BANK1: variants seen among roughly 807,000 people sequenced by gnomAD.
BANK1 encodes the protein B cell scaffold protein with ankyrin repeats 1, also known as B-cell scaffold protein with ankyrin repeats.
Under a neutral mutation model 94.5 loss-of-function variants are expected in BANK1, and 95 were observed. That is an observed-to-expected ratio of 1.00 (90% CI 0.85 to 1.19). The LOEUF (loss-of-function observed/expected upper bound fraction) is 1.19. BANK1 is among the 50% of genes most tolerant of loss of function. BANK1 has a pLI of 0.00. For missense variants in BANK1, 987 were observed against 932.2 expected (o/e 1.06, Z -0.77); for synonymous variants, 334 against 308.4 (o/e 1.08, Z -0.87).
intron 2 of BANK1, among the ~76,000 whole-genome samples, chr4:101,833,432 C>T (rs182966499): frequency 1.3e-5 from 2 of 152,294 alleles, no homozygotes; most frequent in East Asian, 3.9e-4. Context: ...CAGATGTAGA[C>T]TGCTTTCTGT....
chr4:102,022,881 A>T (rs556951713), intron 8 of BANK1, among the ~76,000 whole-genome samples: 1 of 152,268 alleles, frequency 6.6e-6, no homozygotes, highest in African/African-American at 2.4e-5. Context: ...GCCTCAGGGC[A>T]TTTGCACTTT....
intron 7 of BANK1, among the ~76,000 whole-genome samples, chr4:101,997,046 G>T (rs1725902760): frequency 1.3e-5 from 2 of 152,084 alleles, no homozygotes; most frequent in African/African-American, 4.8e-5. Context: ...TGCCCATTCA[G>T]TATGAAAATG....
At chr4:101,930,240 C>T (rs1398041304) in intron 7 of BANK1, among the ~76,000 whole-genome samples, 1 of 151,060 alleles carries the variant, frequency 6.6e-6, no homozygotes, top group Non-Finnish European at 1.5e-5. Context: ...CTACCTTCCC[C>T]CATTCTCTCT....
chr4:102,021,735 G>C (rs542319265), intron 8 of BANK1, 143 bp downstream of exon 8: 1 of 373,834 alleles, frequency 2.7e-6, no homozygotes, highest in Non-Finnish European at 4.9e-6. Context: ...CTTTTAATTT[G>C]TAATAGAGAC....
At chr4:101,911,391 A>G (rs1722659411) in intron 6 of BANK1, among the ~76,000 whole-genome samples, 1 of 152,144 alleles carries the variant, frequency 6.6e-6, no homozygotes, top group Non-Finnish European at 1.5e-5. Context: ...ATAACCTCAG[A>G]TACTCTTTTC....
At chr4:101,847,066 G>A (rs984277219) in intron 2 of BANK1, among the ~76,000 whole-genome samples, 7 of 152,196 alleles carry the variant, frequency 4.6e-5, no homozygotes, top group Middle Eastern at 3.4e-3. Flanking sequence ...ATTGCAAGTC[G>A]TATGAAGGAA....
At chr4:101,809,932 A>C (rs772877152) in intron 1 of BANK1, among the ~76,000 whole-genome samples, 4 of 152,206 alleles carry the variant, frequency 2.6e-5, no homozygotes, top group African/African-American at 9.7e-5. Context: ...GGCAGAGAAG[A>C]ATTAAGGTTG....
At chr4:101,824,596 A>G (rs907737747) in intron 1 of BANK1, among the ~76,000 whole-genome samples, 2 of 152,040 alleles carry the variant, frequency 1.3e-5, no homozygotes, top group African/African-American at 4.8e-5. Context: ...AAGTAATGAT[A>G]TATGTGTGTG....
In BANK1 at chr4:101,791,077, TCTC is replaced by T. The variant is rs1724966770; in HGVS notation, c.70+130_70+132del. The T allele has an allele frequency of 1.6e-5, 12 of 773,960 alleles. No homozygotes were observed. In the South Asian group the frequency reaches 2.3e-4, roughly 15 times the overall value. 47.9% of individuals were successfully genotyped at this position (773,960 alleles called of 1,614,324 possible). ...GCCAGGGCGTCCCTGAGACAGGGCT[TCTC>T]CTTTTTATCCTGCCGCCAGGCAGCC... On this transcript the variant is annotated intron_variant, in intron 1 of 16. Coordinates refer to ENST00000322953, the MANE Select transcript of BANK1 (RefSeq NM_017935.5).
In BANK1 at chr4:102,025,390, C is replaced by T; in HGVS notation, c.1475C>T (p.Pro492Leu). 6.2e-7 allele frequency: 1 copy of T among 1,614,038 alleles called. No individual in the cohort carries two copies. The highest frequency in any genetic ancestry group is 8.5e-7 in the Non-Finnish European group (1 of 1,179,996). The stretch of plus-strand genomic sequence containing the variant: ...TATGATGACTTGTATGTGTTCATTC[C>T]TGGTGCTGATCCAGAAAATAATTCA... ...DQYDDLYVFI[P>L]GADPENNSQE... is the part of the protein sequence containing the mutation. Residue 492 changes from proline (P) to leucine (L), a missense_variant, in exon 9 of 17, where the codon CCT becomes CTT. Coordinates refer to ENST00000322953, the MANE Select transcript of BANK1 (RefSeq NM_017935.5).
chr4:102,054,983 G>A (rs1728179930), intron 11 of BANK1, among the ~76,000 whole-genome samples: 1 of 151,882 alleles, frequency 6.6e-6, no homozygotes, highest in Admixed American at 6.6e-5. Context: ...TGCCAGAGTG[G>A]TATATTTTTA....
chr4:101,926,977 C>A (rs1320878373), intron 7 of BANK1, among the ~76,000 whole-genome samples: 1 of 151,642 alleles, frequency 6.6e-6, no homozygotes, highest in Non-Finnish European at 1.5e-5. Flanking sequence ...AAGGCCGGAT[C>A]TGTAGGGCTG....
At chr4:101,950,139 C>T (rs1309513460) in intron 7 of BANK1, among the ~76,000 whole-genome samples, 1 of 151,994 alleles carries the variant, frequency 6.6e-6, no homozygotes, top group Non-Finnish European at 1.5e-5. Flanking sequence ...TGCTGAGCTC[C>T]TTGCCTCTAT....
chr4:101,883,590 C>G (rs1728750786), intron 5 of BANK1, among the ~76,000 whole-genome samples: 1 of 152,118 alleles, frequency 6.6e-6, no homozygotes, highest in Admixed American at 6.6e-5. Flanking sequence ...TCTTATGTGG[C>G]CCTGTCTCAT....
chr4:101,824,155 C>A (rs1726277882), intron 1 of BANK1, among the ~76,000 whole-genome samples: 1 of 152,202 alleles, frequency 6.6e-6, no homozygotes, highest in African/African-American at 2.4e-5. Context: ...ACTTCTGTTC[C>A]TCACTGCCTG....
At chr4:101,926,901 T>C (rs1213932612) in intron 7 of BANK1, among the ~76,000 whole-genome samples, 2 of 151,786 alleles carry the variant, frequency 1.3e-5, no homozygotes, top group African/African-American at 4.8e-5. Context: ...AGTTGGTCAA[T>C]GTTACTGAAG....
chr4:102,032,717 T>C (rs947339863), intron 10 of BANK1, among the ~76,000 whole-genome samples: 3 of 151,906 alleles, frequency 2.0e-5, no homozygotes, highest in Non-Finnish European at 2.9e-5. Flanking sequence ...ACCCCGTCTC[T>C]ACTAAAAATA....
rs576830008 is a variant in BANK1 at position 101,955,000 on chromosome 4, GA to G, written c.1206+36818del. On this transcript the variant is annotated intron_variant, in intron 7 of 16. Coordinates refer to ENST00000322953, the MANE Select transcript of BANK1 (RefSeq NM_017935.5). The stretch of plus-strand genomic sequence containing the variant: ...CATGAGTTAAATTAATTAATGAAAA[GA>G]AAAAAACCTTTCTTAATGAAAGATT... Among the ~76,000 whole-genome samples, 51 of 152,066 alleles carry G rather than the reference GA, an allele frequency of 3.4e-4. No homozygotes were observed. In the East Asian group the frequency reaches 7.0e-3, roughly 21 times the overall value.
chr4:102,071,361 C>A, intron 14 of BANK1, 57 bp downstream of exon 14: 1 of 1,491,320 alleles, frequency 6.7e-7, no homozygotes, highest in Non-Finnish European at 9.3e-7. Flanking sequence ...CAGAGTAAAT[C>A]AATTTCAATA....
Sources: allele counts gnomAD v4.1 joint callset (sites outside exome capture counted in the v4.1 genomes callset), GRCh38; gene constraint gnomAD v4.1.1; transcripts MANE v1.5; gene names NCBI Gene and HGNC (gene_info 2026-07-23, HGNC 2026-07-21).